WDR49: variants seen among roughly 807,000 people sequenced by gnomAD.
The protein encoded by WDR49 is cilia- and flagella-associated protein 337.
A neutral mutation model predicts 119.5 loss-of-function variants in WDR49; 107 were observed. The ratio of observed to expected loss-of-function variants is 0.90; its 90% CI spans 0.77 to 1.05. The LOEUF (loss-of-function observed/expected upper bound fraction) is 1.05. Among genes scored for constraint, WDR49 ranks in the 50% least tolerant of loss-of-function variants. The pLI is 0.00. For missense variants in WDR49, 1,240 were observed against 1,220.5 expected (o/e 1.02, Z -0.24); for synonymous variants, 425 against 418.8 (o/e 1.01, Z -0.18).
Position 167,640,144 on chromosome 3 carries a change from A to T in WDR49, c.166-12852T>A, listed in dbSNP as rs1369652455. On this transcript the variant is annotated intron_variant, in intron 2 of 18. Transcript: ENST00000682715. The stretch of plus-strand genomic sequence containing the variant: ...GAAATGGAGGAATCAATTAGATAGA[A>T]ATGTCCTCAATGTTTTTGCACCCGC... 2.0e-5 allele frequency among the ~76,000 whole-genome samples: 3 copies of T among 151,824 alleles called. No individual in the cohort carries two copies. In the East Asian group the frequency reaches 5.8e-4, roughly 29 times the overall value.
At chr3:167,555,434 G>T (rs780604891) in intron 9 of WDR49, among the ~76,000 whole-genome samples, 37 of 152,160 alleles carry the variant, frequency 2.4e-4, no homozygotes, top group Admixed American at 4.6e-4. Flanking sequence ...GTGTTTCCCT[G>T]AGTTCCGTAA....
At chr3:167,601,966 A>G (rs1173952123) in intron 7 of WDR49, among the ~76,000 whole-genome samples, 161 bp downstream of exon 7, 1 of 152,202 alleles carries the variant, frequency 6.6e-6, no homozygotes, top group East Asian at 1.9e-4. Flanking sequence ...GTAACCATCA[A>G]CCAACACCTT....
At chr3:167,632,498 G>A (rs555631019) in intron 2 of WDR49, among the ~76,000 whole-genome samples, 55 of 151,976 alleles carry the variant, frequency 3.6e-4, no homozygotes, top group African/African-American at 1.2e-3. Context: ...CCATTAGCTT[G>A]TTAAGTTTGA....
At chr3:167,527,174 C>A (rs1752666621) in intron 15 of WDR49, among the ~76,000 whole-genome samples, 1 of 152,086 alleles carries the variant, frequency 6.6e-6, no homozygotes, top group African/African-American at 2.4e-5. Flanking sequence ...CAAAACTCTA[C>A]CACGATTAGC....
intron 2 of WDR49, among the ~76,000 whole-genome samples, chr3:167,629,041 G>A (rs1317216170): frequency 6.6e-6 from 1 of 152,072 alleles, no homozygotes; most frequent in Admixed American, 6.6e-5. Flanking sequence ...AGGATTGCTT[G>A]AGCCCAGAGT....
At chr3:167,484,070 T>G (rs1750827835) in intron 18 of WDR49, among the ~76,000 whole-genome samples, 1 of 152,214 alleles carries the variant, frequency 6.6e-6, no homozygotes, top group African/African-American at 2.4e-5. Flanking sequence ...ACAATTATTT[T>G]TAAAATGTCC....
At chr3:167,504,892 C>G (rs1262902494) in intron 17 of WDR49, among the ~76,000 whole-genome samples, 1 of 152,114 alleles carries the variant, frequency 6.6e-6, no homozygotes, top group East Asian at 1.9e-4. Context: ...AGCACCTCCC[C>G]CACTCCCTCT....
At chr3:167,491,228 T>G (rs1042751657) in intron 18 of WDR49, among the ~76,000 whole-genome samples, 2 of 152,138 alleles carry the variant, frequency 1.3e-5, no homozygotes, top group Admixed American at 6.6e-5. Flanking sequence ...AGAATCACTT[T>G]TAGGTTGTTC....
rs144986678 is a variant in WDR49, at chr3:167,602,211, A to T, written c.1191T>A (p.Gly397=). ...WNPYVVSKPV[G]VLWGHSASVI... The stretch of plus-strand genomic sequence containing the variant: ...CACTGGCTGAGTGGCCCCAAAGGAC[A>T]CCCACTGGTTTAGAGACAACATAGG... The change falls in exon 7 of 19, where the codon GGT becomes GGA. Residue 397 remains glycine, a synonymous_variant. Coordinates refer to ENST00000682715, the MANE Select transcript of WDR49 (RefSeq NM_001366157.1). The T allele has an allele frequency of 8.4e-4, 1,357 of 1,606,498 alleles. 9 individuals are homozygous for T. In the African/African-American group the frequency reaches 0.015, roughly 17 times the overall value.
At chr3:167,487,594 C>T (rs535880500) in intron 18 of WDR49, among the ~76,000 whole-genome samples, 20 of 152,034 alleles carry the variant, frequency 1.3e-4, no homozygotes, top group Admixed American at 5.2e-4. Flanking sequence ...AAACAGACAA[C>T]GTACAGAACG....
At chr3:167,573,307 C>A (rs1201419358) in intron 8 of WDR49, among the ~76,000 whole-genome samples, 1 of 151,766 alleles carries the variant, frequency 6.6e-6, no homozygotes, top group Non-Finnish European at 1.5e-5. Flanking sequence ...ATGTTTCCAA[C>A]CCAGCAGTTC....
intron 2 of WDR49, among the ~76,000 whole-genome samples, chr3:167,642,965 A>G (rs142221933): frequency 4.9e-4 from 74 of 152,166 alleles, no homozygotes; most frequent in African/African-American, 1.4e-3. Context: ...AGAGAATGAG[A>G]GGGTGAAAGA....
chr3:167,517,981 A>G (rs1464905909), intron 16 of WDR49, among the ~76,000 whole-genome samples: 5 of 151,040 alleles, frequency 3.3e-5, no homozygotes, highest in Admixed American at 1.3e-4. Context: ...GAGAACATGC[A>G]GTGTTTGGTT....
At chr3:167,550,299 C>T (rs912269153) in intron 10 of WDR49, among the ~76,000 whole-genome samples, 1 of 152,112 alleles carries the variant, frequency 6.6e-6, no homozygotes, top group South Asian at 2.1e-4. Flanking sequence ...TGGCCATTTT[C>T]ACAATATTGA....
Position 167,582,020 on chromosome 3 carries a change from G to A in WDR49, c.1276-5869C>T, listed in dbSNP as rs75412719. On this transcript the variant is annotated intron_variant, in intron 7 of 18. Coordinates refer to ENST00000682715, the MANE Select transcript of WDR49 (RefSeq NM_001366157.1). ...AACAATAAGAAAAAAGGGAGAGTGT[G>A]GGCATGCTTCCGTGTGTGTGTGTGT... is the stretch of plus-strand genomic sequence containing the variant. Among the ~76,000 whole-genome samples, 1,171 of 150,112 alleles carry A rather than the reference G, an allele frequency of 7.8e-3. 55 individuals carry two copies. In the East Asian group the frequency reaches 0.13, roughly 17 times the overall value.
rs146116147 is a variant in WDR49, at chr3:167,557,207, T to A, written c.1675-2409A>T. Among the ~76,000 whole-genome samples the A allele has an allele frequency of 2.0e-3, 297 of 151,338 alleles. 1 individual carries two copies. Among genetic ancestry groups the A allele is most frequent in the African/African-American group, 6.6e-3 (272 of 41,200 alleles). On this transcript the variant is annotated intron_variant, in intron 9 of 18. Transcript: ENST00000682715. ...GCAAGACTCTGTCTCAAAAAATAAT[T>A]ATTATTATTAAAAGGCATATACCCT...
At chr3:167,654,214 CAA>C (rs1718515076), upstream of WDR49, among the ~76,000 whole-genome samples, 1 of 151,778 alleles carries the variant, frequency 6.6e-6, no homozygotes, top group Admixed American at 6.6e-5. Context: ...TATGATTAGT[CAA>C]AGAGAAAAGC....
upstream of WDR49, among the ~76,000 whole-genome samples, chr3:167,656,408 A>T (rs1345230124): frequency 6.6e-6 from 1 of 152,240 alleles, no homozygotes; most frequent in African/African-American, 2.4e-5. Flanking sequence ...TTAGTTCAGT[A>T]GCAGACACTA....
chr3:167,480,272 G>C (rs1349328612), intron 18 of WDR49, among the ~76,000 whole-genome samples: 2 of 124,928 alleles, frequency 1.6e-5, no homozygotes, highest in Non-Finnish European at 3.3e-5. Context: ...AAAAAAAAAA[G>C]GAAAAATAAT....
Sources: allele counts gnomAD v4.1 joint callset (sites outside exome capture counted in the v4.1 genomes callset), GRCh38; gene constraint gnomAD v4.1.1; transcripts MANE v1.5; gene names NCBI Gene and HGNC (gene_info 2026-07-23, HGNC 2026-07-21).